The following DENND4C variants were observed in gnomAD, a reference collection of about 807,000 sequenced individuals.
DENND4C encodes the protein DENN domain-containing protein 4C.
In DENND4C, 108 loss-of-function variants were observed where a neutral mutation model predicts 203.0. That is an observed-to-expected ratio of 0.53 (90% CI 0.46 to 0.62). DENND4C has a LOEUF of 0.62. Ranked by LOEUF, DENND4C falls within the 20% of genes least tolerant of loss-of-function variation. The pLI, the probability that DENND4C is intolerant of heterozygous loss-of-function variation, is 0.00. For missense variants in DENND4C, 2,481 were observed against 2,301.2 expected (o/e 1.08, Z -1.60); for synonymous variants, 871 against 792.4 (o/e 1.10, Z -1.67).
At chr9:19,231,375 C>T (rs1820509674) in intron 1 of DENND4C, among the ~76,000 whole-genome samples, 1 of 152,122 alleles carries the variant, frequency 6.6e-6, no homozygotes, top group African/African-American at 2.4e-5. Flanking sequence ...ATTTCCTTCT[C>T]TGTCTTACGG....
At position 19,326,158 on chromosome 9, in the gene DENND4C, C is replaced by G. The variant is rs755954360; in HGVS notation, c.2084C>G (p.Pro695Arg). 1.2e-6 allele frequency: 2 copies of G among 1,613,310 alleles called. No individual in the cohort carries two copies. Among genetic ancestry groups the G allele is most frequent in the Admixed American group, 1.7e-5 (1 of 59,920 alleles). The change falls in exon 15 of 33, where the codon CCT becomes CGT. Residue 695 changes from proline to arginine, a missense_variant. Pro to Arg is a moderately radical substitution (Grantham distance 103). Transcript: ENST00000434457. ...GTATTTATAATGCCGCCAGAGCCAC[C>G]TCCTGATGATGGAAAGGACCTGTCA... ...HTVFIMPPEP[P>R]PDDGKDLSPK...
At chr9:19,300,452 A>C in intron 9 of DENND4C, 121 bp downstream of exon 9, 1 of 978,120 alleles carries the variant, frequency 1.0e-6, no homozygotes. Flanking sequence ...GGAACTTTGA[A>C]AAATTTCCAG....
chr9:19,283,364 A>G (rs1001617866), intron 2 of DENND4C, among the ~76,000 whole-genome samples: 3 of 152,090 alleles, frequency 2.0e-5, no homozygotes, highest in African/African-American at 7.2e-5. Context: ...CTCCTGAAGG[A>G]CCTGCCTGAG....
At position 19,274,220 on chromosome 9, in the gene DENND4C, A is replaced by G. The variant is rs115944783; in HGVS notation, c.-17-1938A>G. ...CTAGAAACTTATCTATAATGATAGG[A>G]AGCTGATAACTTGTTGCCTGAGGAG... On this transcript the variant is annotated intron_variant, in intron 1 of 32. Coordinates refer to ENST00000434457, the MANE Select transcript of DENND4C (RefSeq NM_001330640.2). 6.7e-3 allele frequency among the ~76,000 whole-genome samples: 1,022 copies of G among 152,156 alleles called. 37 individuals are homozygous for G. The highest frequency in any genetic ancestry group is 0.024 in the African/African-American group (976 of 41,406).
chr9:19,343,200 A>G (rs1822050744), intron 22 of DENND4C, among the ~76,000 whole-genome samples: 2 of 152,202 alleles, frequency 1.3e-5, no homozygotes, highest in African/African-American at 4.8e-5. Context: ...TTTCCCCTCT[A>G]CACAGATATG....
intron 10 of DENND4C, 91 bp downstream of exon 10, chr9:19,305,618 T>G: frequency 7.7e-7 from 1 of 1,304,860 alleles, no homozygotes; most frequent in Non-Finnish European, 1.0e-6. Flanking sequence ...TATGCTATTT[T>G]TGGTAGTTGT....
At position 19,342,752 on chromosome 9, in the gene DENND4C, G is replaced by C; in HGVS notation, c.3124G>C (p.Asp1042His). The change falls in exon 22 of 33, where the codon GAT (aspartate) becomes CAT (histidine). Residue 1042 changes from aspartate (D) to histidine (H), a missense_variant. Coordinates refer to ENST00000434457, the MANE Select transcript of DENND4C (RefSeq NM_001330640.2). ...SIVKVPSGIF[D>H]VNSRKSSTGS... ...TGTGAAAGTTCCGTCTGGTATATTT[G>C]ATGTCAACAGCAGGAAAAGTAGCAC... is the stretch of plus-strand genomic sequence containing the variant. 6.2e-7 allele frequency: 1 copy of C among 1,607,720 alleles called. No homozygotes were observed. Among genetic ancestry groups the C allele is most frequent in the Non-Finnish European group, 8.5e-7 (1 of 1,177,450 alleles).
intron 8 of DENND4C, among the ~76,000 whole-genome samples, chr9:19,299,495 G>A (rs1178393365): frequency 6.6e-6 from 1 of 152,118 alleles, no homozygotes; most frequent in East Asian, 1.9e-4. Context: ...GAACAATTAA[G>A]AGAGTTGCAA....
intron 29 of DENND4C, 104 bp from the exon 30 acceptor site, chr9:19,361,742 C>T: frequency 3.4e-6 from 2 of 587,262 alleles, no homozygotes; most frequent in Admixed American, 3.0e-5. Flanking sequence ...ATTTTAGGTC[C>T]AGAATTTTAA....
chr9:19,284,621 G>C (rs1034044834), intron 2 of DENND4C, among the ~76,000 whole-genome samples: 10 of 152,054 alleles, frequency 6.6e-5, no homozygotes, highest in African/African-American at 2.2e-4. Context: ...TATGTGGTCT[G>C]ACATATTTTT....
Position 19,346,893 on chromosome 9 carries a change from T to C in DENND4C, c.4124T>C (p.Leu1375Ser). The change falls in exon 23 of 33, where the codon TTG becomes TCG. Residue 1375 changes from leucine to serine, a missense_variant. This residue lies in a region of DENND4C where 2,289 missense variants were observed against 2,113.3 expected (regional missense o/e 1.08). Transcript: ENST00000434457. Reference sequence around the variant, plus strand: ...ACTCATAAAGAACGTTCAACTTCTTTGTCAGCACTGGTGCGTTCTTCGCCA... The same window carrying C: ...ACTCATAAAGAACGTTCAACTTCTTCGTCAGCACTGGTGCGTTCTTCGCCA... ...SRTHKERSTS[L>S]SALVRSSPHG... 6.2e-7 allele frequency: 1 copy of C among 1,614,216 alleles called. No individual in the cohort carries two copies. Among genetic ancestry groups the C allele is most frequent in the Non-Finnish European group, 8.5e-7 (1 of 1,180,026 alleles).
At chr9:19,263,113 C>T (rs1045516117) in intron 1 of DENND4C, among the ~76,000 whole-genome samples, 3 of 152,112 alleles carry the variant, frequency 2.0e-5, no homozygotes, top group Non-Finnish European at 4.4e-5. Context: ...TATGTTCCTT[C>T]TATAACCAAT....
At chr9:19,364,200 A>C (rs1827133352) in intron 30 of DENND4C, among the ~76,000 whole-genome samples, 1 of 146,724 alleles carries the variant, frequency 6.8e-6, no homozygotes, top group Non-Finnish European at 1.5e-5. Context: ...TCTGTTAAGA[A>C]AAAAAAAAAG....
chr9:19,324,973 C>T (rs867688499), intron 13 of DENND4C, among the ~76,000 whole-genome samples: 90 of 152,136 alleles, frequency 5.9e-4, no homozygotes, highest in African/African-American at 2.0e-3. Flanking sequence ...CCGCCTTGGC[C>T]TCCCAAATCC....
chr9:19,248,545 T>A (rs996169673), intron 1 of DENND4C, among the ~76,000 whole-genome samples: 35 of 151,640 alleles, frequency 2.3e-4, no homozygotes, highest in African/African-American at 8.5e-4. Flanking sequence ...ATGCGCCGCC[T>A]CGCCTGGCTA....
intron 1 of DENND4C, among the ~76,000 whole-genome samples, chr9:19,270,536 T>C (rs1285190439): frequency 6.6e-6 from 1 of 152,236 alleles, no homozygotes; most frequent in Non-Finnish European, 1.5e-5. Context: ...TACATTCTTT[T>C]TGAAGGGTGA....
chr9:19,267,986 G>A (rs1830852374), intron 1 of DENND4C, among the ~76,000 whole-genome samples: 1 of 151,760 alleles, frequency 6.6e-6, no homozygotes, highest in South Asian at 2.1e-4. Flanking sequence ...TTTGTTTTCT[G>A]GTCTTCTTTT....
intron 10 of DENND4C, among the ~76,000 whole-genome samples, chr9:19,315,240 C>T (rs1023012706): frequency 2.6e-5 from 4 of 151,098 alleles, no homozygotes; most frequent in Non-Finnish European, 4.4e-5. Flanking sequence ...TTCTAACATA[C>T]TTCTTGGTGA....
intron 1 of DENND4C, among the ~76,000 whole-genome samples, chr9:19,258,966 T>A (rs528225133): frequency 1.3e-5 from 2 of 152,226 alleles, no homozygotes; most frequent in African/African-American, 4.8e-5. Context: ...AAATTTTAAG[T>A]TTTTATGGGT....
Sources: allele counts gnomAD v4.1 joint callset (sites outside exome capture counted in the v4.1 genomes callset), GRCh38; gene constraint gnomAD v4.1.1; regional missense constraint gnomAD v4.1.1; transcripts MANE v1.5; gene names NCBI Gene and HGNC (gene_info 2026-07-23, HGNC 2026-07-21).